GCH1: variants seen among roughly 807,000 people sequenced by gnomAD.
GCH1 encodes the protein GTP cyclohydrolase 1, also known as GTP cyclohydrolase I.
In GCH1, 5 loss-of-function variants were observed where a neutral mutation model predicts 25.9. That is an observed-to-expected ratio of 0.19 (90% confidence interval 0.10 to 0.41). GCH1 has a LOEUF of 0.41. GCH1 is among the 10% of genes least tolerant of loss of function. The pLI is 1.00. For synonymous variants in GCH1, 159 were observed against 129.6 expected, an observed-to-expected ratio of 1.23 and a Z score of -1.54; for missense variants, 261 against 336.5, an observed-to-expected ratio of 0.78 and a Z score of 1.75.
At chr14:54,848,034 A>G (rs1260548952) in intron 3 of GCH1, among the ~76,000 whole-genome samples, 1 of 152,204 alleles carries the variant, frequency 6.6e-6, no homozygotes, top group Admixed American at 6.5e-5. Flanking sequence ...ACACCTCTTC[A>G]TAAGATAGGT....
rs72187597 is a variant in GCH1 at position 54,880,465 on chromosome 14, CAT to C, written c.344-15031_344-15030del. On this transcript the variant is annotated intron_variant, in intron 1 of 5. Transcript: ENST00000491895. ...ATATACTCCATATAAATATATACTC[CAT>C]ATATATATATACACTCCATATATAT... Among the ~76,000 whole-genome samples the C allele has an allele frequency of 7.6e-3, 559 of 73,130 alleles. 56 individuals are homozygous for C. Among genetic ancestry groups the C allele is most frequent in the African/African-American group, 0.02 (231 of 11,788 alleles). 48.0% of individuals were successfully genotyped at this position (73,130 alleles called of 152,430 possible). A position where few individuals can be genotyped will look rare whatever the true frequency, so the allele number is the denominator to read the frequency against.
intron 1 of GCH1, among the ~76,000 whole-genome samples, chr14:54,898,766 T>C (rs2040521885): frequency 6.6e-6 from 1 of 152,146 alleles, no homozygotes; most frequent in South Asian, 2.1e-4. Flanking sequence ...ACTACAGGTA[T>C]GCGCCACCAC....
intron 1 of GCH1, among the ~76,000 whole-genome samples, chr14:54,867,646 C>A (rs924621168): frequency 3.4e-5 from 5 of 146,104 alleles, no homozygotes; most frequent in Non-Finnish European, 7.5e-5. Flanking sequence ...AGTTATTAGG[C>A]CTTGGGCAAG....
At chr14:54,889,826 G>GTGCACTAAACTA (rs1461870492) in intron 1 of GCH1, among the ~76,000 whole-genome samples, 1 of 152,134 alleles carries the variant, frequency 6.6e-6, no homozygotes, top group African/African-American at 2.4e-5. Context: ...CAGATTAACT[G>GTGCACTAAACTA]TGCACTAAAC....
chr14:54,862,341 A>G (rs932298041), intron 2 of GCH1, among the ~76,000 whole-genome samples: 10 of 149,764 alleles, frequency 6.7e-5, no homozygotes, highest in Non-Finnish European at 7.4e-5. Flanking sequence ...CTGATGTGAT[A>G]TAATATGAAG....
intron 1 of GCH1, among the ~76,000 whole-genome samples, chr14:54,876,654 T>A (rs2040165923): frequency 6.6e-6 from 1 of 152,008 alleles, no homozygotes; most frequent in Non-Finnish European, 1.5e-5. Flanking sequence ...ACAGAACAAG[T>A]CCCTGTCTCT....
At chr14:54,867,813 G>C (rs1296128442) in intron 1 of GCH1, among the ~76,000 whole-genome samples, 1 of 152,156 alleles carries the variant, frequency 6.6e-6, no homozygotes, top group East Asian at 1.9e-4. Flanking sequence ...TTAAGATTGA[G>C]GGAGCTGCAA....
chr14:54,873,447 G>A (rs566709559), intron 1 of GCH1, among the ~76,000 whole-genome samples: 1 of 152,120 alleles, frequency 6.6e-6, no homozygotes, highest in South Asian at 2.1e-4. Flanking sequence ...AGAGAAGCAA[G>A]AGCAAACATA....
Position 54,892,938 on chromosome 14 carries a change from G to A in GCH1, c.343+9383C>T, listed in dbSNP as rs553587378. On this transcript the variant is annotated intron_variant, in intron 1 of 5. Coordinates refer to ENST00000491895, the MANE Select transcript of GCH1 (RefSeq NM_000161.3). The stretch of plus-strand genomic sequence containing the variant: ...TGCTAAAAATACAAAAATTAGCCGA[G>A]CATGGTGGTGGGCACCTGTAATCCC... 8.5e-5 allele frequency among the ~76,000 whole-genome samples: 13 copies of A among 152,126 alleles called. No individual in the cohort carries two copies. In the South Asian group the frequency reaches 2.7e-3, roughly 32 times the overall value.
intron 1 of GCH1, among the ~76,000 whole-genome samples, chr14:54,879,576 A>G (rs112466784): frequency 3.3e-5 from 5 of 152,328 alleles, no homozygotes; most frequent in African/African-American, 1.2e-4. Context: ...GGCTGCATTT[A>G]TAAATCCTTG....
rs551710003 is a variant in GCH1 at position 54,902,764 on chromosome 14, G to A, written c.-101C>T. ...CCGCGGACAATGGGCTGTGGCCGGA[G>A]TCACCTGAGGAAGGTACGCAACCTG... On this transcript the variant is annotated 5_prime_UTR_variant, in exon 1 of 6. Coordinates refer to ENST00000491895, the MANE Select transcript of GCH1 (RefSeq NM_000161.3). 135 of 1,350,704 alleles carry A rather than the reference G, an allele frequency of 1.0e-4. No homozygotes were observed. The South Asian group carries it at 2.3e-3, about 23-fold the overall frequency. 83.7% of individuals were successfully genotyped at this position (1,350,704 alleles called of 1,614,324 possible).
intron 1 of GCH1, among the ~76,000 whole-genome samples, chr14:54,898,797 T>C (rs934447832): frequency 6.6e-6 from 1 of 152,108 alleles, no homozygotes; most frequent in African/African-American, 2.4e-5. Context: ...TTTTTACATG[T>C]TTAGTAGAGA....
chr14:54,871,393 A>G (rs957558306), intron 1 of GCH1, among the ~76,000 whole-genome samples: 18 of 152,308 alleles, frequency 1.2e-4, no homozygotes, highest in Admixed American at 1.2e-3. Context: ...CCACAAAGAC[A>G]GGGAAAAAAC....
At chr14:54,867,749 G>C (rs929581787) in intron 1 of GCH1, among the ~76,000 whole-genome samples, 1 of 152,110 alleles carries the variant, frequency 6.6e-6, no homozygotes, top group African/African-American at 2.4e-5. Flanking sequence ...CATGTGTTTA[G>C]AACTATGCAG....
chr14:54,847,044 A>T (rs943336238), intron 4 of GCH1, 55 bp downstream of exon 4: 20 of 693,208 alleles, frequency 2.9e-5, no homozygotes, highest in Admixed American at 2.2e-4. Flanking sequence ...ATAAAAATTT[A>T]AAAAAAGAAA....
intron 2 of GCH1, among the ~76,000 whole-genome samples, chr14:54,861,940 C>T (rs1428292134): frequency 6.6e-6 from 1 of 152,118 alleles, no homozygotes; most frequent in Non-Finnish European, 1.5e-5. Flanking sequence ...CCAATAGATT[C>T]CCTTTCAAAG....
chr14:54,850,661 G>A (rs1160070297), intron 3 of GCH1, among the ~76,000 whole-genome samples: 3 of 152,194 alleles, frequency 2.0e-5, no homozygotes, highest in African/African-American at 7.2e-5. Context: ...GCCCCGGTGT[G>A]TGTTTCCTAC....
At chr14:54,862,198 A>C (rs897873308) in intron 2 of GCH1, among the ~76,000 whole-genome samples, 3 of 151,788 alleles carry the variant, frequency 2.0e-5, no homozygotes, top group African/African-American at 7.3e-5. Flanking sequence ...ATGCCCAATT[A>C]ATTTTAAAAA....
intron 1 of GCH1, among the ~76,000 whole-genome samples, chr14:54,901,767 CA>C (rs1271483299): frequency 9.7e-5 from 14 of 144,554 alleles, no homozygotes; most frequent in Admixed American, 1.4e-4. Flanking sequence ...TTGAGGTGGA[CA>C]AAAAAAAAAG....
Sources: allele counts gnomAD v4.1 joint callset (sites outside exome capture counted in the v4.1 genomes callset), GRCh38; gene constraint gnomAD v4.1.1; transcripts MANE v1.5; gene names NCBI Gene and HGNC (gene_info 2026-07-23, HGNC 2026-07-21).